Variants in SV2A observed in about 807,000 individuals in gnomAD.
SV2A encodes the protein synaptic vesicle glycoprotein 2A, also known as solute carrier family 22 member B1.
A neutral mutation model predicts 78.0 loss-of-function variants in SV2A; 25 were observed. That is an observed-to-expected ratio of 0.32 (90% CI 0.23 to 0.45). The LOEUF (loss-of-function observed/expected upper bound fraction) is 0.45, where lower values mean the gene tolerates loss of function less well. Among genes scored for constraint, SV2A ranks in the 20% least tolerant of loss-of-function variants. The pLI is 1.00. For missense variants in SV2A, 752 were observed against 971.5 expected (o/e 0.77, Z 3.00); for synonymous variants, 355 against 384.7 (o/e 0.92, Z 0.90).
Position 149,913,225 on chromosome 1 carries a change from T to C in SV2A, c.616A>G (p.Met206Val). The C allele has an allele frequency of 6.2e-7, 1 of 1,613,414 alleles. No homozygotes were observed. Among genetic ancestry groups the C allele is most frequent in the Non-Finnish European group, 8.5e-7 (1 of 1,179,688 alleles). ...DMCLSDSNKGMLGLIVYLGMM... is the reference protein window; with the variant it reads ...DMCLSDSNKGVLGLIVYLGMM... ...GGAGCCCCCCATGTCTTACCTAGCA[T>C]GCCTTTGTTGGAGTCGGACAGGCAC... is the stretch of plus-strand genomic sequence containing the variant. Residue 206 changes from methionine to valine, a missense_variant, in exon 2 of 13, where the codon ATG becomes GTG. Met to Val is a conservative substitution (Grantham distance 21). Coordinates refer to ENST00000369146, the MANE Select transcript of SV2A (RefSeq NM_014849.5).
Position 149,913,435 on chromosome 1 carries a change from G to A in SV2A, c.406C>T (p.Arg136Trp), listed in dbSNP as rs782452680. Residue 136 changes from arginine to tryptophan, a missense_variant, in exon 2 of 13, where the codon CGG becomes TGG. By Grantham distance (101) the Arg-to-Trp change is moderately radical. Around this residue, in one of 7 missense-constraint regions of SV2A, gnomAD observed 291 missense variants for 359.5 expected, o/e 0.81. Transcript: ENST00000369146. ...LSDGEGPPGG[R>W]GEAQRRKERE... The stretch of plus-strand genomic sequence containing the variant: ...TCTTTCCGTCGTTGTGCCTCCCCCC[G>A]GCCCCCAGGGGGACCCTCCCCATCA... 2.7e-5 allele frequency: 44 copies of A among 1,608,570 alleles called. 1 individual carries two copies. In the South Asian group the frequency reaches 3.4e-4, roughly 12 times the overall value.
chr1:149,907,913 G>T lies in SV2A; in HGVS notation c.1545-80C>A. On this transcript the variant is annotated intron_variant, in intron 9 of 12. Coordinates refer to ENST00000369146, the MANE Select transcript of SV2A (RefSeq NM_014849.5). ...AGACTCACTCTTTAGCGAAGTAATG[G>T]GAAGCTGGGCATTGAGAAGAAACCA... 3.2e-6 allele frequency: 5 copies of T among 1,577,322 alleles called. No homozygotes were observed. The South Asian group carries it at 4.7e-5, about 15-fold the overall frequency.
At chr1:149,909,132 T>A in intron 8 of SV2A, 60 bp downstream of exon 8, 1 of 1,538,032 alleles carries the variant, frequency 6.5e-7, no homozygotes, top group Non-Finnish European at 9.0e-7. Context: ...TCCCCACCTC[T>A]CTCCCAGCCC....
intron 12 of SV2A, 145 bp downstream of exon 12, chr1:149,905,735 G>A: frequency 8.6e-7 from 1 of 1,158,464 alleles, no homozygotes. Flanking sequence ...GAGTCACCGT[G>A]CCCGGCCAAA....
At chr1:149,905,312 G>C in intron 12 of SV2A, 115 bp from the exon 13 acceptor site, 1 of 855,920 alleles carries the variant, frequency 1.2e-6, no homozygotes, top group Non-Finnish European at 1.8e-6. Flanking sequence ...AAGAGGGAGA[G>C]AGAAGGTTGG....
chr1:149,905,379 G>C, intron 12 of SV2A, 182 bp from the exon 13 acceptor site: 1 of 557,982 alleles, frequency 1.8e-6, no homozygotes, highest in Non-Finnish European at 3.0e-6. Context: ...GAGAGACAAA[G>C]GGAAAGGAGA....
chr1:149,907,109 T>C, intron 10 of SV2A: 2 of 514,500 alleles, frequency 3.9e-6, no homozygotes, highest in Non-Finnish European at 5.0e-6. Context: ...AGCTGCTTAT[T>C]CATTCTTTCT....
At chr1:149,909,091 C>A in intron 8 of SV2A, 101 bp downstream of exon 8, 4 of 1,161,724 alleles carry the variant, frequency 3.4e-6, no homozygotes, top group Non-Finnish European at 5.1e-6. Context: ...ATGGCACCTT[C>A]CCTCATCGCT....
At chr1:149,909,732 C>T in intron 6 of SV2A, 69 bp downstream of exon 6, 2 of 1,559,880 alleles carry the variant, frequency 1.3e-6, no homozygotes, top group Non-Finnish European at 8.8e-7. Flanking sequence ...GGGGGGTACT[C>T]AGAGAGGGGC....
chr1:149,913,669 AGTC>A lies in SV2A; in HGVS notation c.169_171del (p.Asp57del). The A allele has an allele frequency of 6.2e-7, 1 of 1,614,094 alleles. No individual in the cohort carries two copies. The highest frequency in any genetic ancestry group is 2.2e-5 in the East Asian group (1 of 44,872). On this transcript the variant is annotated inframe_deletion, in exon 2 of 13. Transcript: ENST00000369146. ...TAATAACCATCACTGGGAGCAGGGA[AGTC>A]ATCATCATCATCCTCCTCCTCAAAG... is the stretch of plus-strand genomic sequence containing the variant.
chr1:149,906,549 T>C, intron 11 of SV2A, 101 bp downstream of exon 11: 2 of 1,285,632 alleles, frequency 1.6e-6, no homozygotes, highest in Non-Finnish European at 2.2e-6. Context: ...AGAGGAACTC[T>C]CTGACCAATC....
intron 12 of SV2A, 104 bp from the exon 13 acceptor site, chr1:149,905,301 C>T: frequency 9.8e-7 from 1 of 1,017,276 alleles, no homozygotes. Context: ...AGGCAGTGTC[C>T]AAGAGGGAGA....
rs782318340 is a variant in SV2A at position 149,905,210 on chromosome 1, C to A, written c.2046-13G>T. The A allele has an allele frequency of 2.5e-6, 4 of 1,600,566 alleles. No individual in the cohort carries two copies. Among genetic ancestry groups the A allele is most frequent in the East Asian group, 2.2e-5 (1 of 44,552 alleles). ...AAAAGCTGTGGTCCTGCTCAGGAGT[C>A]CCCCAGTGCAGCACGGCGCAAGGTA... is the stretch of plus-strand genomic sequence containing the variant. On this transcript the variant is annotated splice_polypyrimidine_tract_variant and intron_variant, in intron 12 of 12. Transcript: ENST00000369146.
intron 7 of SV2A, 89 bp from the exon 8 acceptor site, chr1:149,909,369 A>G: frequency 6.4e-7 from 1 of 1,550,838 alleles, no homozygotes. Flanking sequence ...ACCTCCCTTC[A>G]GCTCACCCAT....
At chr1:149,905,665 A>T in intron 12 of SV2A, 1 of 564,236 alleles carries the variant, frequency 1.8e-6, no homozygotes, top group Non-Finnish European at 3.1e-6. Context: ...CTGGTCTCAA[A>T]CTCCTGACCT....
At chr1:149,916,859 G>A (rs1199265320) in intron 1 of SV2A, among the ~76,000 whole-genome samples, 1 of 152,138 alleles carries the variant, frequency 6.6e-6, no homozygotes, top group Non-Finnish European at 1.5e-5. Flanking sequence ...CCAAGGTTAG[G>A]AAGATAGGAG....
Position 149,904,846 on chromosome 1 carries a change from C to T in SV2A, c.*168G>A. 1.4e-6 allele frequency: 1 copy of T among 709,922 alleles called. No individual in the cohort carries two copies. The highest frequency in any genetic ancestry group is 4.0e-4 in the Middle Eastern group (1 of 2,488). 44.0% of individuals were successfully genotyped at this position (709,922 alleles called of 1,614,324 possible). Reference sequence around the variant, plus strand: ...AAGGAGCCTTCCCTGTAGTCCCTGCCCACGGGGTTTACACACATGCACACG... The same window carrying T: ...AAGGAGCCTTCCCTGTAGTCCCTGCTCACGGGGTTTACACACATGCACACG... On this transcript the variant is annotated 3_prime_UTR_variant, in exon 13 of 13. Transcript: ENST00000369146.
Position 149,908,136 on chromosome 1 carries a change from T to C in SV2A, c.1450A>G (p.Thr484Ala), listed in dbSNP as rs1553763067. 3 of 1,613,958 alleles carry C rather than the reference T, an allele frequency of 1.9e-6. No individual in the cohort carries two copies. The African/African-American group carries it at 4.0e-5, about 22-fold the overall frequency. ...ACGCGCTCCCCGGGGAACACTTTGGTGCGGGATGCGTAGTCCACTGCCTGG... is the reference window on the plus strand; with the variant it reads ...ACGCGCTCCCCGGGGAACACTTTGGCGCGGGATGCGTAGTCCACTGCCTGG... ...HLQAVDYASR[T>A]KVFPGERVEH... is the part of the protein sequence containing the mutation. The change falls in exon 9 of 13, where the codon ACC becomes GCC. Residue 484 changes from threonine (T) to alanine (A), a missense_variant. Thr to Ala is a moderately conservative substitution (Grantham distance 58, BLOSUM62 0). Coordinates refer to ENST00000369146, the MANE Select transcript of SV2A (RefSeq NM_014849.5).
In SV2A at chr1:149,909,577, G is replaced by T. The variant is rs367582610; in HGVS notation, c.1180-6C>A. 1.6e-5 allele frequency: 26 copies of T among 1,611,998 alleles called. No individual in the cohort carries two copies. In the African/African-American group the frequency reaches 2.8e-4, roughly 17 times the overall value. On this transcript the variant is annotated splice_region_variant and splice_polypyrimidine_tract_variant and intron_variant, in intron 6 of 12. Coordinates refer to ENST00000369146, the MANE Select transcript of SV2A (RefSeq NM_014849.5). Reference sequence around the variant, plus strand: ...ATCGTCTTAATGTGGGTTACCTGGGGTCAAGAGAAGGGGTGGGCAGTCACA... The same window carrying T: ...ATCGTCTTAATGTGGGTTACCTGGGTTCAAGAGAAGGGGTGGGCAGTCACA...
Sources: allele counts gnomAD v4.1 joint callset (sites outside exome capture counted in the v4.1 genomes callset), GRCh38; gene constraint gnomAD v4.1.1; regional missense constraint gnomAD v4.1.1; transcripts MANE v1.5; gene names NCBI Gene and HGNC (gene_info 2026-07-23, HGNC 2026-07-21).